The following HFM1 variants were observed in gnomAD, a reference collection of about 807,000 sequenced individuals.
HFM1 encodes the protein helicase for meiosis 1.
HFM1 carries 169 observed loss-of-function variants against 192.1 expected under a neutral mutation model. The observed-to-expected ratio is 0.88, with a 90% CI of 0.78 to 1.00. The LOEUF (loss-of-function observed/expected upper bound fraction) is 1.00, where lower values mean the gene tolerates loss of function less well. HFM1 is among the 50% of genes least tolerant of loss of function. The probability of loss-of-function intolerance (pLI) is 0.00; values close to 1 mark genes in which losing one functional copy is unlikely to be tolerated. For missense variants in HFM1, 1,661 were observed against 1,668.0 expected, an observed-to-expected ratio of 1.00 and a Z score of 0.07; for synonymous variants, 525 against 537.8, an observed-to-expected ratio of 0.98 and a Z score of 0.33.
intron 30 of HFM1, among the ~76,000 whole-genome samples, chr1:91,293,494 A>G (rs1669028288): frequency 1.3e-5 from 2 of 151,572 alleles, no homozygotes; most frequent in South Asian, 4.2e-4. Context: ...CAAAACCACA[A>G]TGAGATACCA....
At chr1:91,383,297 C>A (rs922055952) in intron 6 of HFM1, among the ~76,000 whole-genome samples, 6 of 152,140 alleles carry the variant, frequency 3.9e-5, no homozygotes, top group African/African-American at 1.4e-4. Context: ...AAGAATCAGC[C>A]ATCGTACAGA....
At chr1:91,345,928 A>G (rs1305666857) in intron 19 of HFM1, among the ~76,000 whole-genome samples, 1 of 152,142 alleles carries the variant, frequency 6.6e-6, no homozygotes, top group Non-Finnish European at 1.5e-5. Flanking sequence ...GTTTCTCAAC[A>G]ACTATCCATT....
intron 13 of HFM1, among the ~76,000 whole-genome samples, chr1:91,371,177 T>G (rs1364911198): frequency 3.2e-4 from 49 of 152,246 alleles, no homozygotes; most frequent in Admixed American, 8.5e-4. Context: ...CAAGGTAATT[T>G]ATAGATTCAA....
chr1:91,316,585 G>T, intron 25 of HFM1, 109 bp from the exon 26 acceptor site: 1 of 431,044 alleles, frequency 2.3e-6, no homozygotes, highest in Non-Finnish European at 4.0e-6. Context: ...TTAAGATCCA[G>T]TCAAATAACT....
At chr1:91,290,048 AGT>A (rs1357874212) in intron 30 of HFM1, among the ~76,000 whole-genome samples, 9 of 152,146 alleles carry the variant, frequency 5.9e-5, no homozygotes, top group African/African-American at 1.9e-4. Flanking sequence ...TCCTGAAGGA[AGT>A]GCTAAACATG....
intron 19 of HFM1, among the ~76,000 whole-genome samples, chr1:91,344,537 A>G (rs1655847779): frequency 6.6e-6 from 1 of 152,214 alleles, no homozygotes; most frequent in Non-Finnish European, 1.5e-5. Context: ...TACAGCAGTT[A>G]ACAAGATAAG....
intron 34 of HFM1, among the ~76,000 whole-genome samples, chr1:91,268,426 A>G (rs1484771215): frequency 1.3e-5 from 2 of 152,040 alleles, no homozygotes; most frequent in Non-Finnish European, 2.9e-5. Context: ...GCCAAATTAC[A>G]TAAGTGAAAA....
chr1:91,292,609 T>C (rs556001422), intron 30 of HFM1, among the ~76,000 whole-genome samples: 1 of 152,086 alleles, frequency 6.6e-6, no homozygotes, highest in East Asian at 1.9e-4. Context: ...ATCAATATCA[T>C]GAAAATGGCC....
At chr1:91,267,603 G>T in intron 35 of HFM1, 142 bp downstream of exon 35, 1 of 521,954 alleles carries the variant, frequency 1.9e-6, no homozygotes, top group Non-Finnish European at 3.3e-6. Flanking sequence ...TTTCAGTTTT[G>T]CTAAAAATTA....
At chr1:91,280,009 TTTAAG>T (rs1244980131) in intron 30 of HFM1, among the ~76,000 whole-genome samples, 3 of 18 alleles carry the variant, frequency 0.17, no homozygotes, top group Non-Finnish European at 0.33. Context: ...TAAAATGTAA[TTTAAG>T]TATGTAAAAA....
At chr1:91,302,049 C>A (rs1198989895) in intron 30 of HFM1, among the ~76,000 whole-genome samples, 1 of 135,928 alleles carries the variant, frequency 7.4e-6, no homozygotes, top group Non-Finnish European at 1.6e-5. Context: ...GGGCTAATAT[C>A]CAGAATCTAC....
chr1:91,401,816 C>A (rs867322316), intron 1 of HFM1, among the ~76,000 whole-genome samples: 12 of 151,792 alleles, frequency 7.9e-5, no homozygotes, highest in African/African-American at 2.9e-4. Context: ...ATAATTTTTG[C>A]ACTCAGAGAT....
chr1:91,407,285 G>A (rs886579447), upstream of HFM1, among the ~76,000 whole-genome samples: 5 of 151,720 alleles, frequency 3.3e-5, no homozygotes, highest in Admixed American at 1.3e-4. Flanking sequence ...GCAGCAAACC[G>A]ACATGGCACA....
chr1:91,337,111 GA>G (rs1447066102), intron 20 of HFM1, among the ~76,000 whole-genome samples: 2 of 152,192 alleles, frequency 1.3e-5, no homozygotes, highest in African/African-American at 4.8e-5. Context: ...GCATCAGGAA[GA>G]ATAGCTAATG....
chr1:91,289,035 C>T (rs1668373022), intron 30 of HFM1, among the ~76,000 whole-genome samples: 1 of 149,430 alleles, frequency 6.7e-6, no homozygotes, highest in Non-Finnish European at 1.5e-5. Flanking sequence ...GGGCAGCTGG[C>T]CGGGCGGGGG....
chr1:91,363,384 G>A (rs1048074930), intron 13 of HFM1, among the ~76,000 whole-genome samples: 2 of 67,726 alleles, frequency 3.0e-5, no homozygotes, highest in African/African-American at 1.2e-4. Context: ...GACATGAACA[G>A]ACACTTTTCA....
At chr1:91,382,266 T>C (rs1661637848) in intron 6 of HFM1, among the ~76,000 whole-genome samples, 1 of 152,134 alleles carries the variant, frequency 6.6e-6, no homozygotes, top group Admixed American at 6.6e-5. Context: ...GCAGTCCCAA[T>C]TTAACCCGCT....
intron 20 of HFM1, among the ~76,000 whole-genome samples, chr1:91,334,731 C>T (rs1386892887): frequency 6.6e-6 from 1 of 151,946 alleles, no homozygotes; most frequent in Non-Finnish European, 1.5e-5. Context: ...GAGTTCGAGA[C>T]CAGCCTGGTC....
chr1:91,266,610 T>A lies in HFM1; in HGVS notation c.3884-503A>T, dbSNP rs139212647. 2.7e-3 allele frequency among the ~76,000 whole-genome samples: 414 copies of A among 152,332 alleles called. 1 individual carries two copies. Among genetic ancestry groups the A allele is most frequent in the African/African-American group, 9.1e-3 (379 of 41,582 alleles). On this transcript the variant is annotated intron_variant, in intron 35 of 38. Coordinates refer to ENST00000370425, the MANE Select transcript of HFM1 (RefSeq NM_001017975.6). ...TGATCAAGTTGAAGTTCACTCAATA[T>A]TTTCAGTGGTCTGCTCATAATCATT...
Sources: allele counts gnomAD v4.1 joint callset (sites outside exome capture counted in the v4.1 genomes callset), GRCh38; gene constraint gnomAD v4.1.1; transcripts MANE v1.5; gene names NCBI Gene and HGNC (gene_info 2026-07-23, HGNC 2026-07-21).